The following NT5C1B variants were observed in gnomAD, a reference collection of about 807,000 sequenced individuals.
The protein encoded by NT5C1B is 5'-nucleotidase, cytosolic IB.
NT5C1B carries 44 observed loss-of-function variants against 57.8 expected under a neutral mutation model. The observed-to-expected ratio is 0.76, with a 90% CI of 0.60 to 0.98. The LOEUF (loss-of-function observed/expected upper bound fraction) is 0.98. NT5C1B is among the 50% of genes least tolerant of loss of function. NT5C1B has a pLI of 0.00. For missense variants in NT5C1B, 742 were observed against 719.5 expected (o/e 1.03, Z -0.36); for synonymous variants, 284 against 282.6 (o/e 1.00, Z -0.05).
At chr2:18,576,660 T>G in intron 7 of NT5C1B, 113 bp downstream of exon 7, 1 of 1,518,520 alleles carries the variant, frequency 6.6e-7, no homozygotes, top group Non-Finnish European at 8.8e-7. Context: ...TGGAAAAACT[T>G]CAGAAGAATA....
chr2:18,583,605 T>TTGTAAGTGCTATACATTTCAG, intron 5 of NT5C1B: 1 of 340,820 alleles, frequency 2.9e-6, no homozygotes, highest in East Asian at 7.5e-5. Flanking sequence ...CAGATCAAAG[T>TTGTAAGTGCTATACATTTCAG]TGTAAGTGCT....
intron 8 of NT5C1B, among the ~76,000 whole-genome samples, chr2:18,565,277 G>C (rs1664544443): frequency 6.6e-6 from 1 of 152,004 alleles, no homozygotes; most frequent in Non-Finnish European, 1.5e-5. Flanking sequence ...TTAATTCTAT[G>C]GTTAAGTATA....
chr2:18,570,758 A>T (rs1479107397), intron 8 of NT5C1B, among the ~76,000 whole-genome samples: 1 of 152,186 alleles, frequency 6.6e-6, no homozygotes, highest in African/African-American at 2.4e-5. Flanking sequence ...ACTGTAGAGG[A>T]TGAACATGAA....
chr2:18,587,176 G>A, intron 2 of NT5C1B: 1 of 1,611,258 alleles, frequency 6.2e-7, no homozygotes, highest in Non-Finnish European at 8.5e-7. Flanking sequence ...CGCCTCATCT[G>A]AAAGATTGTG....
Position 18,584,842 on chromosome 2 carries a change from C to T in NT5C1B, c.395G>A (p.Arg132Gln). The change falls in exon 4 of 9, where the codon CGG becomes CAG. Residue 132 changes from arginine to glutamine, a missense_variant. Physicochemically the swap from Arg to Gln is conservative, Grantham distance 43. Coordinates refer to ENST00000304081, the Ensembl canonical transcript of NT5C1B. This position sits in a 1 kb window ranked among gnomAD's most constrained non-coding sequence, Gnocchi z 5.8. ...ATCGGGCTCTGGGGGCGTGGGAGGC[C>T]GCGAGTCCAGCGACCGGGGCAGCTG... 1.2e-6 allele frequency: 2 copies of T among 1,609,738 alleles called. No individual in the cohort carries two copies. Among genetic ancestry groups the T allele is most frequent in the African/African-American group, 1.3e-5 (1 of 74,966 alleles).
intron 7 of NT5C1B, 27 bp downstream of exon 7, chr2:18,576,746 A>T: frequency 6.2e-7 from 1 of 1,611,996 alleles, no homozygotes; most frequent in Non-Finnish European, 8.5e-7. Flanking sequence ...CTCTTTATTA[A>T]CTAGAGGAAT....
At chr2:18,587,422 C>A (rs1666821585) in intron 2 of NT5C1B, 81 bp downstream of exon 2, 1 of 1,575,894 alleles carries the variant, frequency 6.3e-7, no homozygotes, top group Non-Finnish European at 8.6e-7. Flanking sequence ...TCTTCTCTCC[C>A]AGAACTCCCT....
rs565761548 is a variant in NT5C1B, at chr2:18,567,292, C to T, written c.1330-3173G>A. ...AGAGCCTAGACTGCTAGAAGAGCTT[C>T]AAACACTGTTATCCTCCAGGGCATG... On this transcript the variant is annotated intron_variant, in intron 8 of 8. Transcript: ENST00000304081. 7.2e-5 allele frequency among the ~76,000 whole-genome samples: 11 copies of T among 152,298 alleles called. 1 individual carries two copies. The South Asian group carries it at 2.3e-3, about 32-fold the overall frequency.
rs1219765669 is a variant in NT5C1B at position 18,584,127 on chromosome 2, G to A, written c.852C>T (p.Asn284=). 4 of 1,614,156 alleles carry A rather than the reference G, an allele frequency of 2.5e-6. No individual in the cohort carries two copies. In the African/African-American group the frequency reaches 4.0e-5, roughly 16 times the overall value. ...ACGCCGGGCCCGGGGTCAGGATGAC[G>A]TTCTCATTGGTGAGCTGATACTCCA... The change falls in exon 5 of 9, where the codon AAC becomes AAT. Residue 284 remains asparagine, a synonymous_variant. Coordinates refer to ENST00000304081, the Ensembl canonical transcript of NT5C1B. This position sits in a 1 kb window ranked among gnomAD's most constrained non-coding sequence, Gnocchi z 5.8.
chr2:18,565,876 G>A (rs138494562), intron 8 of NT5C1B, among the ~76,000 whole-genome samples: 1 of 151,934 alleles, frequency 6.6e-6, no homozygotes, highest in Non-Finnish European at 1.5e-5. Flanking sequence ...CATATGCTGG[G>A]TCTTCTTTAC....
At chr2:18,572,565 A>G (rs1055018404) in intron 8 of NT5C1B, among the ~76,000 whole-genome samples, 4 of 152,236 alleles carry the variant, frequency 2.6e-5, no homozygotes, top group Non-Finnish European at 5.9e-5. Context: ...AAGGATGAGT[A>G]TCCAAAACAT....
intron 7 of NT5C1B, among the ~76,000 whole-genome samples, 158 bp downstream of exon 7, chr2:18,576,615 A>G (rs925065962): frequency 1.3e-5 from 2 of 152,230 alleles, no homozygotes; most frequent in African/African-American, 2.4e-5. Flanking sequence ...AGGAAAGTCA[A>G]AGCTCTAAAG....
chr2:18,584,371 A>G lies in NT5C1B; in HGVS notation c.724-116T>C. 6.5e-7 allele frequency: 1 copy of G among 1,540,514 alleles called. No homozygotes were observed. Among genetic ancestry groups the G allele is most frequent in the Non-Finnish European group, 8.7e-7 (1 of 1,145,168 alleles). On this transcript the variant is annotated intron_variant, in intron 4 of 8. Transcript: ENST00000304081. This position sits in a 1 kb window ranked among gnomAD's most constrained non-coding sequence, Gnocchi z 5.8. ...GCGGGCCCCTGCTTGGAGAAGCGGG[A>G]TGCTGGAGACAGCTGAGGCTGGGAC...
At position 18,564,470 on chromosome 2, in the gene NT5C1B, C is replaced by T. The variant is rs114132724; in HGVS notation, c.1330-351G>A. On this transcript the variant is annotated intron_variant, in intron 8 of 8. Coordinates refer to ENST00000304081, the Ensembl canonical transcript of NT5C1B. ...AATAGAGGGTCACTCTAAATAAACT[C>T]TAATTAGTTACCAAAGCACTACTCT... is the stretch of plus-strand genomic sequence containing the variant. Among the ~76,000 whole-genome samples the T allele has an allele frequency of 7.8e-3, 1,190 of 152,284 alleles. 19 individuals are homozygous for T. Among genetic ancestry groups the T allele is most frequent in the African/African-American group, 0.027 (1,138 of 41,544 alleles).
At chr2:18,569,487 A>C (rs1359142187) in intron 8 of NT5C1B, among the ~76,000 whole-genome samples, 1 of 152,272 alleles carries the variant, frequency 6.6e-6, no homozygotes, top group South Asian at 2.1e-4. Context: ...TGTAATATCT[A>C]TAAGAAAAAT....
intron 8 of NT5C1B, among the ~76,000 whole-genome samples, chr2:18,574,357 G>T (rs180794011): frequency 2.6e-5 from 4 of 152,182 alleles, no homozygotes; most frequent in Non-Finnish European, 4.4e-5. Context: ...AGAGAATGTG[G>T]AACCCTTATA....
chr2:18,568,753 GC>G (rs1445265164), intron 8 of NT5C1B, among the ~76,000 whole-genome samples: 1 of 152,120 alleles, frequency 6.6e-6, no homozygotes, highest in East Asian at 1.9e-4. Flanking sequence ...ATATCTGATT[GC>G]CTCCTTTGGA....
chr2:18,574,988 A>G (rs1665546928), intron 8 of NT5C1B, among the ~76,000 whole-genome samples: 1 of 152,114 alleles, frequency 6.6e-6, no homozygotes, highest in African/African-American at 2.4e-5. Context: ...TAAAGCTGAA[A>G]AAAAGAACAA....
At chr2:18,564,224 C>T (rs1472016939) in intron 8 of NT5C1B, 105 bp from the exon 9 acceptor site, 2 of 1,289,906 alleles carry the variant, frequency 1.6e-6, no homozygotes, top group Non-Finnish European at 2.0e-6. Flanking sequence ...GGATATAATA[C>T]AGCATGACAT....
Sources: allele counts gnomAD v4.1 joint callset (sites outside exome capture counted in the v4.1 genomes callset), GRCh38; gene constraint gnomAD v4.1.1; non-coding constraint Gnocchi (gnomAD v3.1); transcripts MANE v1.5; gene names NCBI Gene and HGNC (gene_info 2026-07-23, HGNC 2026-07-21).